The following PAPLN variants were observed in gnomAD, a reference collection of about 807,000 sequenced individuals.
PAPLN encodes papilin.
Under a neutral mutation model 159.0 loss-of-function variants are expected in PAPLN, and 146 were observed. The ratio of observed to expected loss-of-function variants is 0.92; its 90% CI spans 0.80 to 1.05. The LOEUF is 1.05. PAPLN is among the 50% of genes least tolerant of loss of function. The probability of loss-of-function intolerance (pLI) is 0.00; values close to 1 mark genes in which losing one functional copy is unlikely to be tolerated. For synonymous variants in PAPLN, 734 were observed against 702.9 expected (o/e 1.04, Z -0.70); for missense variants, 1,720 against 1,743.9 (o/e 0.99, Z 0.24).
rs149999392 is a variant in PAPLN at position 73,261,239 on chromosome 14, C to T, written c.2190C>T (p.Asn730=). 1.8e-4 allele frequency: 286 copies of T among 1,613,862 alleles called. 2 individuals carry two copies. The African/African-American group carries it at 3.3e-3, about 19-fold the overall frequency. Reference sequence around the variant, plus strand: ...CCCAGTTTGGCTGTTGCTATGACAACGTGGCCACTGCAGCCGGTCCTCTTG... The same window carrying T: ...CCCAGTTTGGCTGTTGCTATGACAATGTGGCCACTGCAGCCGGTCCTCTTG... ...RGSQFGCCYD[N]VATAAGPLGE... Residue 730 remains asparagine, a synonymous_variant, in exon 18 of 27, where the codon AAC becomes AAT. Coordinates refer to ENST00000644200, the MANE Select transcript of PAPLN (RefSeq NM_001365906.3).
chr14:73,253,996 A>G (rs779213582), intron 12 of PAPLN, 35 bp downstream of exon 12: 16 of 1,582,290 alleles, frequency 1.0e-5, no homozygotes, highest in Non-Finnish European at 5.2e-6. Context: ...CTGGTGCTGG[A>G]CCTGGGTAGC....
chr14:73,272,818 A>C lies in PAPLN; in HGVS notation c.*154A>C. 1 of 731,522 alleles carries C rather than the reference A, an allele frequency of 1.4e-6. No homozygotes were observed. Among genetic ancestry groups the C allele is most frequent in the Non-Finnish European group, 1.9e-6 (1 of 515,482 alleles). 45.3% of individuals were successfully genotyped at this position (731,522 alleles called of 1,614,324 possible). On this transcript the variant is annotated 3_prime_UTR_variant, in exon 27 of 27. Coordinates refer to ENST00000644200, the MANE Select transcript of PAPLN (RefSeq NM_001365906.3). ...AAAACCCACCCAGTGTTTAGCCTCA[A>C]CGGCAGCCAGTTACCAGCTTCTCTC...
intron 26 of PAPLN, among the ~76,000 whole-genome samples, chr14:73,271,345 C>T (rs1349824694): frequency 6.6e-6 from 1 of 152,042 alleles, no homozygotes; most frequent in Non-Finnish European, 1.5e-5. Context: ...CTGCTAGGTA[C>T]AGTCTTTTAG....
Position 73,260,752 on chromosome 14 carries a change from C to T in PAPLN, c.2029C>T (p.His677Tyr), listed in dbSNP as rs1311107531. Residue 677 changes from histidine (H) to tyrosine (Y), a missense_variant, in exon 17 of 27, where the codon CAT becomes TAT. Coordinates refer to ENST00000644200, the MANE Select transcript of PAPLN (RefSeq NM_001365906.3). ...CAGGGTATCTGTCGCTGAGGGGCCC[C>T]ATCACGCTGGCTGCACAAAGTCGTA... The part of the protein sequence containing the change: ...PDRVSVAEGP[H>Y]HAGCTKSYGG... The T allele has an allele frequency of 2.7e-6, 4 of 1,476,942 alleles. No homozygotes were observed. The highest frequency in any genetic ancestry group is 2.7e-6 in the Non-Finnish European group (3 of 1,117,474). The allele number at this position is 1,476,942 out of a possible 1,614,324, so 91.5% of individuals were successfully genotyped here. A position where few individuals can be genotyped will look rare whatever the true frequency, so the allele number is the denominator to read the frequency against.
At position 73,261,986 on chromosome 14, in the gene PAPLN, CA is replaced by C. The variant is rs148186792; in HGVS notation, c.2246-363del. On this transcript the variant is annotated intron_variant, in intron 18 of 26. Transcript: ENST00000644200. Reference sequence around the variant, plus strand: ...GGGTGGCTCAGGTCTGTGTCCCTATCACAAGCTAAGCAGGCAGGGTCACCCT... The same window carrying C: ...GGGTGGCTCAGGTCTGTGTCCCTATCCAAGCTAAGCAGGCAGGGTCACCCT... 916 of 233,570 alleles carry C rather than the reference CA, an allele frequency of 3.9e-3. 12 individuals carry two copies. The highest frequency in any genetic ancestry group is 0.02 in the African/African-American group (867 of 44,116). 14.5% of individuals were successfully genotyped at this position (233,570 alleles called of 1,614,324 possible).
intron 14 of PAPLN, among the ~76,000 whole-genome samples, chr14:73,256,535 A>G (rs573306376): frequency 1.5e-4 from 22 of 150,340 alleles, no homozygotes. Context: ...TCTGTCTCAA[A>G]AAAAAAAAAA....
At chr14:73,243,296 T>G (rs748648091) in intron 2 of PAPLN, 3 of 152,284 alleles carry the variant, frequency 2.0e-5, no homozygotes, top group Admixed American at 1.3e-4. Context: ...GCCCGGCTGC[T>G]TTTCTGTGTG....
chr14:73,250,285 C>G (rs1025757555), intron 6 of PAPLN, among the ~76,000 whole-genome samples, 171 bp downstream of exon 6: 5 of 152,206 alleles, frequency 3.3e-5, no homozygotes, highest in Non-Finnish European at 7.3e-5. Flanking sequence ...TCACAGATGC[C>G]CTATGGCCCC....
intron 25 of PAPLN, among the ~76,000 whole-genome samples, chr14:73,268,176 G>A (rs533027381): frequency 2.2e-3 from 339 of 152,036 alleles, no homozygotes; most frequent in African/African-American, 7.6e-3. Context: ...GTTTCTCCCC[G>A]TGTGACTTGG....
Position 73,263,662 on chromosome 14 carries a change from T to C in PAPLN, c.2741T>C (p.Val914Ala). Residue 914 changes from valine to alanine, a missense_variant, in exon 20 of 27, where the codon GTG (valine) becomes GCG (alanine). Transcript: ENST00000644200. ...CTCTCCAGGATTAGCTTGGCAGGTG[T>C]GGAGCCCTCGTTGGTGCAGGCAGCC... ...SSSYRISLAG[V>A]EPSLVQAALG... 1.9e-6 allele frequency: 3 copies of C among 1,613,748 alleles called. No homozygotes were observed. In the South Asian group the frequency reaches 3.3e-5, roughly 18 times the overall value.
intron 14 of PAPLN, among the ~76,000 whole-genome samples, chr14:73,257,203 C>T (rs1315971587): frequency 2.0e-5 from 3 of 152,164 alleles, no homozygotes; most frequent in East Asian, 1.9e-4. Flanking sequence ...ATCTCCTGGG[C>T]TCAGGCAATC....
At chr14:73,238,575 G>A (rs1361804069) in intron 1 of PAPLN, among the ~76,000 whole-genome samples, 1 of 152,128 alleles carries the variant, frequency 6.6e-6, no homozygotes, top group Non-Finnish European at 1.5e-5. Context: ...CCTCAGCCTC[G>A]CCCGCCCTAG....
chr14:73,244,800 C>CTCCTGCTTTA, intron 3 of PAPLN, 41 bp downstream of exon 3: 1 of 1,463,346 alleles, frequency 6.8e-7, no homozygotes, highest in Non-Finnish European at 9.2e-7. Context: ...AAAGCAGGAG[C>CTCCTGCTTTA]AGGGGATGCT....
rs377753194 is a variant in PAPLN at position 73,251,771 on chromosome 14, G to A, written c.778G>A (p.Glu260Lys). 1.5e-5 allele frequency: 24 copies of A among 1,611,182 alleles called. No individual in the cohort carries two copies. The highest frequency in any genetic ancestry group is 1.8e-5 in the Non-Finnish European group (21 of 1,179,322). The change falls in exon 9 of 27, where the codon GAG becomes AAG. Residue 260 changes from glutamate (E) to lysine (K), a missense_variant. Transcript: ENST00000644200. The stretch of plus-strand genomic sequence containing the variant: ...CATCCTGCATTACGAGCGGGGTGCT[G>A]AGGGGGACCTGGCCCCTGAGCGACT... ...STILHYERGA[E>K]GDLAPERLHA...
intron 5 of PAPLN, among the ~76,000 whole-genome samples, chr14:73,247,291 A>C (rs919579024): frequency 6.6e-6 from 1 of 152,176 alleles, no homozygotes; most frequent in Non-Finnish European, 1.5e-5. Flanking sequence ...TCAGGGAAAA[A>C]ACACCCAGGT....
At chr14:73,236,491 C>T (rs764927535), upstream of PAPLN, among the ~76,000 whole-genome samples, 1 of 152,054 alleles carries the variant, frequency 6.6e-6, no homozygotes, top group African/African-American at 2.4e-5. Context: ...AGTTCGAGAC[C>T]AGGTTGGGCG....
chr14:73,252,591 G>A, intron 10 of PAPLN, 58 bp from the exon 11 acceptor site: 3 of 1,582,858 alleles, frequency 1.9e-6, no homozygotes, highest in Admixed American at 1.7e-5. Flanking sequence ...CTGGCCCAGG[G>A]AACGCGCTTG....
intron 1 of PAPLN, among the ~76,000 whole-genome samples, chr14:73,238,173 G>A (rs993173535): frequency 1.3e-5 from 2 of 152,244 alleles, no homozygotes; most frequent in African/African-American, 4.8e-5. Context: ...TCCCGGAGTC[G>A]GCTGGGGACC....
chr14:73,246,116 C>T lies in PAPLN; in HGVS notation c.275C>T (p.Ala92Val), dbSNP rs749440555. The T allele has an allele frequency of 1.9e-6, 3 of 1,589,520 alleles. No homozygotes were observed. Among genetic ancestry groups the T allele is most frequent in the South Asian group, 1.1e-5 (1 of 88,690 alleles). ...GARDFRAEQC[A>V]EFDGAEFQGR... ...CGGGACTTCCGGGCCGAGCAGTGCG[C>T]GGAGTTCGACGGAGCGGAGTTCCAG... The change falls in exon 5 of 27, where the codon GCG (alanine) becomes GTG (valine). Residue 92 changes from alanine to valine, a missense_variant. Coordinates refer to ENST00000644200, the MANE Select transcript of PAPLN (RefSeq NM_001365906.3).
Sources: allele counts gnomAD v4.1 joint callset (sites outside exome capture counted in the v4.1 genomes callset), GRCh38; gene constraint gnomAD v4.1.1; transcripts MANE v1.5; gene names NCBI Gene and HGNC (gene_info 2026-07-23, HGNC 2026-07-21).